The following F5 variants were observed in gnomAD, a reference collection of about 807,000 sequenced individuals.
F5 encodes the protein activated protein c cofactor.
A neutral mutation model predicts 216.4 loss-of-function variants in F5; 138 were observed. The ratio of observed to expected loss-of-function variants is 0.64; its 90% CI spans 0.56 to 0.73. The LOEUF is 0.73. Ranked by LOEUF, F5 falls within the 30% of genes least tolerant of loss-of-function variation. The pLI is 0.00. For missense variants in F5, 2,403 were observed against 2,674.0 expected, an observed-to-expected ratio of 0.90 and a Z score of 2.24; for synonymous variants, 916 against 930.7, an observed-to-expected ratio of 0.98 and a Z score of 0.29.
chr1:169,521,851 C>T (rs2101805692), intron 21 of F5, among the ~76,000 whole-genome samples: 1 of 151,922 alleles, frequency 6.6e-6, no homozygotes, highest in East Asian at 1.9e-4. Context: ...GATCTCTTGA[C>T]CTCGTGATCT....
intron 8 of F5, 87 bp from the exon 9 acceptor site, chr1:169,550,826 G>C (rs956403886): frequency 2.0e-6 from 2 of 1,009,408 alleles, no homozygotes; most frequent in Admixed American, 1.8e-5. Context: ...TTCACCTTTT[G>C]GATGGTGTGT....
Position 169,542,933 on chromosome 1 carries a change from C to T in F5, c.2157G>A (p.Glu719=), listed in dbSNP as rs373181295. Residue 719 remains glutamate, a synonymous_variant, in exon 13 of 25, where the codon GAG becomes GAA. Coordinates refer to ENST00000367797, the MANE Select transcript of F5 (RefSeq NM_000130.5). ...MHDRLEPEDE[E]SDADYDYQNR... ...TCTGGTAATCATAGTCAGCATCACT[C>T]TCTTCATCTTCAGGTTCTAAACGAT... 1.2e-6 allele frequency: 2 copies of T among 1,614,118 alleles called. No homozygotes were observed. The highest frequency in any genetic ancestry group is 1.7e-6 in the Non-Finnish European group (2 of 1,180,000).
chr1:169,572,190 C>T lies in F5; in HGVS notation c.373+31G>A, dbSNP rs371960566. The T allele has an allele frequency of 2.4e-5, 38 of 1,604,000 alleles. No individual in the cohort carries two copies. The East Asian group carries it at 3.4e-4, about 14-fold the overall frequency. On this transcript the variant is annotated intron_variant, in intron 3 of 24. Transcript: ENST00000367797. ...TGGTATTAAAGACTTAGACATTTTC[C>T]CTTTTCAGAAAAATATTAGATTTAT...
In F5 at chr1:169,546,611, T is replaced by C; in HGVS notation, c.1612-19A>G. The C allele has an allele frequency of 6.2e-7, 1 of 1,612,048 alleles. No homozygotes were observed. Among genetic ancestry groups the C allele is most frequent in the South Asian group, 1.1e-5 (1 of 91,028 alleles). On this transcript the variant is annotated intron_variant, in intron 10 of 24. Coordinates refer to ENST00000367797, the MANE Select transcript of F5 (RefSeq NM_000130.5). ...CTGCCCTCTGGAGGACAAAACAGTA[T>C]AGTACTGGTACAAGAACAGACGCAT...
chr1:169,567,989 A>G (rs1248020408), intron 3 of F5, among the ~76,000 whole-genome samples: 1 of 152,144 alleles, frequency 6.6e-6, no homozygotes, highest in Non-Finnish European at 1.5e-5. Context: ...TTCTAACAAT[A>G]TTGAACCTAT....
Position 169,529,601 on chromosome 1 carries a change from A to G in F5, c.5419+7T>C, listed in dbSNP as rs775123950. 1.1e-5 allele frequency: 17 copies of G among 1,612,664 alleles called. No homozygotes were observed. Among genetic ancestry groups the G allele is most frequent in the Non-Finnish European group, 1.3e-5 (15 of 1,178,884 alleles). On this transcript the variant is annotated splice_region_variant and intron_variant, in intron 16 of 24. Transcript: ENST00000367797. ...TAGGAGATTAGATCAAAGTCTGAGG[A>G]AAATACCGTGAAACTCATGGGATTT...
At chr1:169,555,464 G>C (rs1322774099) in intron 6 of F5, 117 bp from the exon 7 acceptor site, 2 of 1,115,986 alleles carry the variant, frequency 1.8e-6, no homozygotes, top group East Asian at 5.2e-5. Flanking sequence ...AAGAGTGAAA[G>C]TAATGCTCAG....
chr1:169,517,027 C>T (rs546355459), intron 23 of F5, among the ~76,000 whole-genome samples: 1 of 152,228 alleles, frequency 6.6e-6, no homozygotes, highest in East Asian at 1.9e-4. Flanking sequence ...AATTGGATAA[C>T]ATCTCTTTAA....
chr1:169,526,884 T>C (rs183979820), intron 17 of F5, among the ~76,000 whole-genome samples: 2 of 150,952 alleles, frequency 1.3e-5, no homozygotes, highest in African/African-American at 4.8e-5. Context: ...TATTAATTAA[T>C]TAATATGATA....
At position 169,522,861 on chromosome 1, in the gene F5, A is replaced by G. The variant is rs116756462; in HGVS notation, c.6048+336T>C. Among the ~76,000 whole-genome samples the G allele has an allele frequency of 6.1e-3, 929 of 152,298 alleles. 6 individuals carry two copies. Among genetic ancestry groups the G allele is most frequent in the African/African-American group, 0.021 (866 of 41,568 alleles). On this transcript the variant is annotated intron_variant, in intron 21 of 24. Coordinates refer to ENST00000367797, the MANE Select transcript of F5 (RefSeq NM_000130.5). ...GTAAAATCAAAAGTCTTGGTAGCCA[A>G]TTTTTAGCATGAGCTCCTTGAGGCG...
chr1:169,552,446 G>A (rs1163195101), intron 8 of F5, 111 bp downstream of exon 8: 14 of 916,954 alleles, frequency 1.5e-5, no homozygotes, highest in Non-Finnish European at 2.2e-5. Flanking sequence ...AGTTGCATTT[G>A]AATTTAAAAT....
intron 2 of F5, among the ~76,000 whole-genome samples, chr1:169,575,764 C>T (rs1162794387): frequency 6.6e-6 from 1 of 151,860 alleles, no homozygotes; most frequent in East Asian, 1.9e-4. Flanking sequence ...TGGAGGACAC[C>T]GTGGGAGGGC....
chr1:169,549,901 G>A lies in F5; in HGVS notation c.1511C>T (p.Pro504Leu), dbSNP rs763859650. Reference sequence around the variant, plus strand: ...CATGATGTCCACGTCACTGTAGTATGGTCTTGTTAAGCACTGGGCATCATT... The same window carrying A: ...CATGATGTCCACGTCACTGTAGTATAGTCTTGTTAAGCACTGGGCATCATT... ...TENDAQCLTR[P>L]YYSDVDIMRD... The change falls in exon 10 of 25, where the codon CCA (proline) becomes CTA (leucine). Residue 504 changes from proline to leucine, a missense_variant. Pro to Leu is a moderately conservative substitution (Grantham distance 98). Coordinates refer to ENST00000367797, the MANE Select transcript of F5 (RefSeq NM_000130.5). 7 of 1,613,910 alleles carry A rather than the reference G, an allele frequency of 4.3e-6. No homozygotes were observed. Among genetic ancestry groups the A allele is most frequent in the African/African-American group, 4.0e-5 (3 of 74,908 alleles).
chr1:169,584,974 C>T (rs1483948919), intron 1 of F5, among the ~76,000 whole-genome samples: 1 of 152,168 alleles, frequency 6.6e-6, no homozygotes, highest in Non-Finnish European at 1.5e-5. Flanking sequence ...ATTTTCAACG[C>T]TAACTACAGA....
chr1:169,569,153 A>G (rs931823273), intron 3 of F5, among the ~76,000 whole-genome samples: 2 of 152,110 alleles, frequency 1.3e-5, no homozygotes, highest in African/African-American at 2.4e-5. Context: ...GGAAGTCTCT[A>G]CATAAGGCCA....
intron 2 of F5, among the ~76,000 whole-genome samples, chr1:169,580,710 G>A (rs1660967864): frequency 1.3e-5 from 2 of 152,036 alleles, no homozygotes; most frequent in African/African-American, 4.8e-5. Flanking sequence ...ATATTTAAAT[G>A]CAGATCTGTT....
chr1:169,579,629 T>C (rs1057078767), intron 2 of F5, among the ~76,000 whole-genome samples: 2 of 152,320 alleles, frequency 1.3e-5, no homozygotes, highest in South Asian at 4.1e-4. Flanking sequence ...AATGGCACCC[T>C]ATCCATTCTG....
At chr1:169,524,944 T>C in intron 18 of F5, 36 bp from the exon 19 acceptor site, 2 of 1,514,796 alleles carry the variant, frequency 1.3e-6, no homozygotes, top group South Asian at 2.3e-5. Flanking sequence ...TAATTTTTGC[T>C]TAGAAAATAT....
intron 15 of F5, 69 bp downstream of exon 15, chr1:169,530,717 T>G: frequency 7.4e-7 from 1 of 1,347,666 alleles, no homozygotes; most frequent in Non-Finnish European, 1.1e-6. Context: ...TAACCCCGAC[T>G]CTTCCATTTG....
Sources: allele counts gnomAD v4.1 joint callset (sites outside exome capture counted in the v4.1 genomes callset), GRCh38; gene constraint gnomAD v4.1.1; transcripts MANE v1.5; gene names NCBI Gene and HGNC (gene_info 2026-07-23, HGNC 2026-07-21).